CACNA2D1: variants seen among roughly 807,000 people sequenced by gnomAD.
CACNA2D1 encodes the protein calcium voltage-gated channel auxiliary subunit alpha2delta 1.
CACNA2D1 carries 53 observed loss-of-function variants against 171.5 expected under a neutral mutation model. The observed-to-expected ratio is 0.31, with a 90% confidence interval of 0.25 to 0.39. CACNA2D1 has a LOEUF of 0.39. Ranked by LOEUF, CACNA2D1 falls within the 10% of genes least tolerant of loss-of-function variation. CACNA2D1 has a pLI of 1.00. For synonymous variants in CACNA2D1, 442 were observed against 443.1 expected, an observed-to-expected ratio of 1.00 and a Z score of 0.03; for missense variants, 903 against 1,299.8, an observed-to-expected ratio of 0.69 and a Z score of 4.69.
chr7:82,298,368 T>C (rs1050348091), intron 3 of CACNA2D1, among the ~76,000 whole-genome samples: 6 of 152,182 alleles, frequency 3.9e-5, no homozygotes, highest in Non-Finnish European at 8.8e-5. Flanking sequence ...CTGTCTTCTT[T>C]CTTCTTCTAA....
intron 15 of CACNA2D1, chr7:82,011,897 C>A: frequency 2.7e-6 from 1 of 370,888 alleles, no homozygotes; most frequent in Non-Finnish European, 4.9e-6. Flanking sequence ...ATTCAACATT[C>A]CAGGTTGGAA....
intron 4 of CACNA2D1, among the ~76,000 whole-genome samples, chr7:82,162,762 T>G (rs1397284789): frequency 2.6e-5 from 4 of 151,964 alleles, no homozygotes; most frequent in South Asian, 2.1e-4. Flanking sequence ...TTTTCAGTAC[T>G]CTGGACAAAT....
chr7:82,246,471 T>C (rs1804938241), intron 3 of CACNA2D1, among the ~76,000 whole-genome samples: 1 of 152,166 alleles, frequency 6.6e-6, no homozygotes, highest in Non-Finnish European at 1.5e-5. Context: ...TGGAAGTGCA[T>C]GAGAAGCATT....
chr7:82,400,640 C>T (rs1192615012), intron 1 of CACNA2D1, among the ~76,000 whole-genome samples: 5 of 152,126 alleles, frequency 3.3e-5, no homozygotes, highest in Non-Finnish European at 5.9e-5. Context: ...AGGACACAGG[C>T]ATGGGCAAGG....
At chr7:82,176,163 G>A (rs1796524530) in intron 3 of CACNA2D1, among the ~76,000 whole-genome samples, 1 of 152,014 alleles carries the variant, frequency 6.6e-6, no homozygotes, top group Non-Finnish European at 1.5e-5. Flanking sequence ...GAAGGGCAGA[G>A]AAGGGTATAG....
chr7:82,018,807 A>AC (rs1800821273), intron 12 of CACNA2D1, among the ~76,000 whole-genome samples: 1 of 151,554 alleles, frequency 6.6e-6, no homozygotes, highest in African/African-American at 2.4e-5. Context: ...ACATAGTGAG[A>AC]CCCCCATCTC....
chr7:82,351,488 T>A (rs1819839312), intron 1 of CACNA2D1, among the ~76,000 whole-genome samples: 1 of 151,950 alleles, frequency 6.6e-6, no homozygotes, highest in Admixed American at 6.6e-5. Flanking sequence ...AACAAACTAG[T>A]TACTAAATGG....
chr7:82,297,762 G>C (rs1473565828), intron 3 of CACNA2D1, among the ~76,000 whole-genome samples: 2 of 152,054 alleles, frequency 1.3e-5, no homozygotes, highest in Non-Finnish European at 2.9e-5. Flanking sequence ...TTATATTTCA[G>C]ATGCTGGAGG....
chr7:82,122,795 G>A (rs998857460), intron 5 of CACNA2D1, among the ~76,000 whole-genome samples: 10 of 152,086 alleles, frequency 6.6e-5, no homozygotes, highest in Non-Finnish European at 1.3e-4. Flanking sequence ...ATTATAAAAG[G>A]AAATGTTTTA....
intron 1 of CACNA2D1, among the ~76,000 whole-genome samples, chr7:82,358,796 CTTTTCATGAGATCTAAATTTA>C (rs1820754521): frequency 6.6e-6 from 1 of 151,964 alleles, no homozygotes; most frequent in Non-Finnish European, 1.5e-5. Context: ...ATAAGATCTT[CTTTTCATGAGATCTAAATTTA>C]TTTTCATGAG....
At chr7:82,172,925 T>G (rs1363430654) in intron 3 of CACNA2D1, among the ~76,000 whole-genome samples, 2 of 152,048 alleles carry the variant, frequency 1.3e-5, no homozygotes, top group African/African-American at 4.8e-5. Context: ...CTAAGATGTC[T>G]TTGTGTCTTA....
chr7:82,067,971 T>C (rs1409120897), intron 7 of CACNA2D1, among the ~76,000 whole-genome samples: 1 of 152,192 alleles, frequency 6.6e-6, no homozygotes, highest in Non-Finnish European at 1.5e-5. Flanking sequence ...GCCCTTTCAA[T>C]ACTTTTCCTT....
chr7:82,354,542 T>G (rs2129446485), intron 1 of CACNA2D1, among the ~76,000 whole-genome samples: 1 of 152,320 alleles, frequency 6.6e-6, no homozygotes, highest in African/African-American at 2.4e-5. Flanking sequence ...AGAACAAAAG[T>G]TGAGACAGTT....
At chr7:82,148,905 G>A (rs1218495845) in intron 4 of CACNA2D1, among the ~76,000 whole-genome samples, 1 of 152,166 alleles carries the variant, frequency 6.6e-6, no homozygotes, top group African/African-American at 2.4e-5. Context: ...CCAAAATGTT[G>A]GGATTACAGG....
chr7:81,991,726 A>T (rs979773085), intron 20 of CACNA2D1, among the ~76,000 whole-genome samples: 1 of 152,202 alleles, frequency 6.6e-6, no homozygotes, highest in Non-Finnish European at 1.5e-5. Context: ...AGGTTAGGAC[A>T]ACATCTAATA....
At chr7:82,114,203 T>G (rs1788764397) in intron 6 of CACNA2D1, among the ~76,000 whole-genome samples, 1 of 152,214 alleles carries the variant, frequency 6.6e-6, no homozygotes. Context: ...AAAAAATTTT[T>G]TAAAAATTTA....
intron 1 of CACNA2D1, among the ~76,000 whole-genome samples, chr7:82,399,723 C>T (rs1300974194): frequency 1.5e-5 from 2 of 134,250 alleles, no homozygotes; most frequent in African/African-American, 5.6e-5. Context: ...CCCATACACA[C>T]ACCTTCGTTC....
At position 81,949,854 on chromosome 7, in the gene CACNA2D1, A is replaced by G. The variant is rs1792327729; in HGVS notation, c.*538T>C. ...TTATTCATGGCAAATTTTTCATAGA[A>G]AATTAGCCATTATTTATATTTCAAC... On this transcript the variant is annotated 3_prime_UTR_variant, in exon 39 of 39. Coordinates refer to ENST00000356860, the MANE Select transcript of CACNA2D1 (RefSeq NM_000722.4). 6.6e-6 allele frequency: 1 copy of G among 152,508 alleles called. No homozygotes were observed. The highest frequency in any genetic ancestry group is 2.1e-4 in the South Asian group (1 of 4,842). The allele number at this position is 152,508 out of a possible 1,614,324, so 9.4% of individuals were successfully genotyped here. A position where few individuals can be genotyped will look rare whatever the true frequency, so the allele number is the denominator to read the frequency against.
chr7:82,375,945 G>A (rs1048394043), intron 1 of CACNA2D1, among the ~76,000 whole-genome samples: 5 of 152,230 alleles, frequency 3.3e-5, no homozygotes, highest in Middle Eastern at 6.8e-3. Flanking sequence ...ACAAGACCAC[G>A]TGTCACTGTG....
Sources: gnomAD v4.1 joint callset for allele counts (sites outside exome capture counted in the v4.1 genomes callset) on GRCh38, gnomAD v4.1.1 for gene constraint, MANE v1.5 for transcripts, NCBI Gene and HGNC (gene_info 2026-07-23, HGNC 2026-07-21) for gene names.